PPP6R2: variants seen among roughly 807,000 people sequenced by gnomAD.
PPP6R2 encodes the protein protein phosphatase 6 regulatory subunit 2.
A neutral mutation model predicts 100.2 loss-of-function variants in PPP6R2; 62 were observed. The observed-to-expected ratio is 0.62, with a 90% CI of 0.50 to 0.76. The LOEUF (loss-of-function observed/expected upper bound fraction) is 0.76. Ranked by LOEUF, PPP6R2 falls within the 30% of genes least tolerant of loss-of-function variation. PPP6R2 has a pLI of 0.00. For missense variants in PPP6R2, 1,142 were observed against 1,276.3 expected (o/e 0.89, Z 1.60); for synonymous variants, 525 against 514.7 (o/e 1.02, Z -0.27).
intron 2 of PPP6R2, among the ~76,000 whole-genome samples, chr22:50,380,103 T>C (rs987588958): frequency 1.3e-5 from 2 of 152,196 alleles, no homozygotes. Flanking sequence ...ACAGTTCTGG[T>C]TCTGGTAAGA....
chr22:50,343,423 G>T lies in PPP6R2; in HGVS notation c.-275G>T, dbSNP rs1360295233. On this transcript the variant is annotated 5_prime_UTR_variant, in exon 1 of 24. Coordinates refer to ENST00000612753, the MANE Select transcript of PPP6R2 (RefSeq NM_001242898.2). ...CGGTGTCCGTAGGCGCTGCGCCCTCGGCCGGGCCCATGTGTGTGCGGCCCG... is the reference window on the plus strand; with the variant it reads ...CGGTGTCCGTAGGCGCTGCGCCCTCTGCCGGGCCCATGTGTGTGCGGCCCG... 1.3e-5 allele frequency: 2 copies of T among 151,138 alleles called. No homozygotes were observed. The highest frequency in any genetic ancestry group is 6.6e-5 in the Admixed American group (1 of 15,214). 9.4% of individuals were successfully genotyped at this position (151,138 alleles called of 1,614,324 possible). A position where few individuals can be genotyped will look rare whatever the true frequency, so the allele number is the denominator to read the frequency against.
rs116633943 is a variant in PPP6R2, at chr22:50,346,460, C to T, written c.-148+2910C>T. 4.9e-3 allele frequency among the ~76,000 whole-genome samples: 467 copies of T among 96,174 alleles called. 9 individuals are homozygous for T. The highest frequency in any genetic ancestry group is 0.019 in the African/African-American group (433 of 22,888). The allele number at this position is 96,174 out of a possible 152,430, so 63.1% of individuals were successfully genotyped here. A position where few individuals can be genotyped will look rare whatever the true frequency, so the allele number is the denominator to read the frequency against. ...CAGTAAGTGCCCCCCAAGTCAGTTTCCTCCCAAGTCAGGGCCCCCTCCAGT... is the reference window on the plus strand; with the variant it reads ...CAGTAAGTGCCCCCCAAGTCAGTTTTCTCCCAAGTCAGGGCCCCCTCCAGT... On this transcript the variant is annotated intron_variant, in intron 1 of 23. Transcript: ENST00000612753.
intron 1 of PPP6R2, among the ~76,000 whole-genome samples, chr22:50,352,954 C>T (rs1402022047): frequency 6.6e-6 from 1 of 152,096 alleles, no homozygotes; most frequent in East Asian, 1.9e-4. Flanking sequence ...GTCCCAGCTA[C>T]TGGGGAGGCT....
intron 3 of PPP6R2, among the ~76,000 whole-genome samples, chr22:50,404,419 C>T (rs2058522167): frequency 6.6e-6 from 1 of 151,410 alleles, no homozygotes. Flanking sequence ...AAGTCAGAGT[C>T]TTACTCTGCC....
chr22:50,430,343 G>A (rs2062900661), intron 10 of PPP6R2, among the ~76,000 whole-genome samples: 1 of 152,340 alleles, frequency 6.6e-6, no homozygotes, highest in East Asian at 1.9e-4. Context: ...ATATGCACAC[G>A]CCTGCCCATC....
intron 3 of PPP6R2, among the ~76,000 whole-genome samples, chr22:50,401,529 A>G (rs1433563120): frequency 1.9e-5 from 2 of 102,668 alleles, no homozygotes; most frequent in Non-Finnish European, 4.0e-5. Flanking sequence ...TTTTTCTGAG[A>G]CAGAGTCTGT....
At chr22:50,333,339 CTTTTTTT>C in the PPP6R2 span, among the ~76,000 whole-genome samples, 5 of 140,616 alleles carry the variant, frequency 3.6e-5, no homozygotes, top group African/African-American at 1.3e-4. Flanking sequence ...TGTTCTTTTT[CTTTTTTT>C]TTTTTTTTGA....
chr22:50,338,110 G>GTA, the PPP6R2 span, among the ~76,000 whole-genome samples: 1 of 145,590 alleles, frequency 6.9e-6, no homozygotes, highest in Non-Finnish European at 1.5e-5. Flanking sequence ...TGTGGTATGT[G>GTA]GTGTGTGTGC....
intron 1 of PPP6R2, among the ~76,000 whole-genome samples, chr22:50,367,600 A>T (rs1396174236): frequency 6.6e-6 from 1 of 152,138 alleles, no homozygotes; most frequent in Non-Finnish European, 1.5e-5. Flanking sequence ...TGAAAAAGGG[A>T]GGGAAGGACC....
intron 5 of PPP6R2, 97 bp downstream of exon 5, chr22:50,414,786 C>T: frequency 7.3e-7 from 1 of 1,362,054 alleles, no homozygotes; most frequent in South Asian, 1.4e-5. Flanking sequence ...GCGCCCGGCC[C>T]CCATCTCTCC....
intron 8 of PPP6R2, among the ~76,000 whole-genome samples, chr22:50,420,164 G>C (rs2061127979): frequency 1.3e-5 from 2 of 152,240 alleles, no homozygotes; most frequent in Non-Finnish European, 2.9e-5. Flanking sequence ...CATGCACCCA[G>C]TGCCTCGGGG....
intron 1 of PPP6R2, among the ~76,000 whole-genome samples, chr22:50,348,446 CAG>C (rs1280664411): frequency 3.3e-5 from 5 of 152,124 alleles, no homozygotes; most frequent in African/African-American, 7.2e-5. Flanking sequence ...TGAATGGACT[CAG>C]GGTAATTTCT....
intron 2 of PPP6R2, among the ~76,000 whole-genome samples, chr22:50,391,432 C>CAAAAAAAA (rs57682271): frequency 3.1e-5 from 2 of 65,276 alleles, no homozygotes; most frequent in Non-Finnish European, 2.7e-5. Context: ...GACTCCGTCT[C>CAAAAAAAA]AAAAAAAAAA....
At chr22:50,337,825 AGTGT>A in the PPP6R2 span, among the ~76,000 whole-genome samples, 11 of 110,536 alleles carry the variant, frequency 1.0e-4, no homozygotes, top group South Asian at 6.3e-4. Flanking sequence ...ATCTGGGTAC[AGTGT>A]GTGTGTGGGG....
intron 1 of PPP6R2, among the ~76,000 whole-genome samples, chr22:50,352,731 A>C (rs1279243959): frequency 2.5e-5 from 3 of 117,748 alleles, no homozygotes; most frequent in African/African-American, 1.1e-4. Context: ...CTCAAAACAA[A>C]AACAAAAACA....
At chr22:50,403,297 C>A (rs2058338034) in intron 3 of PPP6R2, among the ~76,000 whole-genome samples, 1 of 152,188 alleles carries the variant, frequency 6.6e-6, no homozygotes, top group South Asian at 2.1e-4. Flanking sequence ...TACGTTTGAT[C>A]TTCCTCCTCA....
chr22:50,331,697 A>G, the PPP6R2 span, among the ~76,000 whole-genome samples: 2 of 152,122 alleles, frequency 1.3e-5, no homozygotes, highest in Non-Finnish European at 2.9e-5. Flanking sequence ...ATCTCAGCTC[A>G]CTGCAACCTC....
At chr22:50,399,575 C>T (rs1356310764) in intron 3 of PPP6R2, among the ~76,000 whole-genome samples, 1 of 152,274 alleles carries the variant, frequency 6.6e-6, no homozygotes, top group Non-Finnish European at 1.5e-5. Context: ...GAGGACTCTT[C>T]TTGAAAGTGG....
At chr22:50,439,915 G>A (rs1413388730) in intron 20 of PPP6R2, 46 bp from the exon 21 acceptor site, 1 of 1,607,938 alleles carries the variant, frequency 6.2e-7, no homozygotes, top group Admixed American at 1.7e-5. Context: ...AGGGCCAGGA[G>A]GCACCTGTCC....
Sources: gnomAD v4.1 joint callset for allele counts (sites outside exome capture counted in the v4.1 genomes callset) on GRCh38, gnomAD v4.1.1 for gene constraint, MANE v1.5 for transcripts, NCBI Gene and HGNC (gene_info 2026-07-23, HGNC 2026-07-21) for gene names.